The following CFTR variants were observed in gnomAD, a reference collection of about 807,000 sequenced individuals.
CFTR encodes the protein CF transmembrane conductance regulator, also known as cystic fibrosis transmembrane conductance regulator.
CFTR carries 181 observed loss-of-function variants against 171.6 expected under a neutral mutation model. That is an observed-to-expected ratio of 1.05 (90% CI 0.93 to 1.19). The LOEUF is 1.19. Among genes scored for constraint, CFTR ranks in the 50% most tolerant of loss-of-function variants. The pLI is 0.00. For missense variants in CFTR, 1,968 were observed against 1,734.7 expected (o/e 1.13, Z -2.39); for synonymous variants, 583 against 608.0 (o/e 0.96, Z 0.60).
rs540146829 is a variant in CFTR, at chr7:117,649,094, A to G, written c.3874-3748A>G. Among the ~76,000 whole-genome samples, 3 of 152,040 alleles carry G rather than the reference A, an allele frequency of 2.0e-5. No homozygotes were observed. In the East Asian group the frequency reaches 5.8e-4, roughly 29 times the overall value. On this transcript the variant is annotated intron_variant, in intron 23 of 26. Transcript: ENST00000003084. ...TCTATTTTAGCTAAATTTAATATAT[A>G]TCAATATACTTTGATAGATATTTTA...
intron 10 of CFTR, among the ~76,000 whole-genome samples, chr7:117,554,457 G>C (rs934912329): frequency 1.3e-5 from 2 of 152,142 alleles, no homozygotes; most frequent in Non-Finnish European, 2.9e-5. Flanking sequence ...TTTGGATGGA[G>C]CTTGGTTTGG....
intron 11 of CFTR, among the ~76,000 whole-genome samples, chr7:117,581,383 C>T (rs903280511): frequency 3.8e-4 from 58 of 152,232 alleles, no homozygotes; most frequent in Middle Eastern, 3.4e-3. Context: ...CCTTAAAAAT[C>T]TGCTTTTTTT....
At chr7:117,624,148 G>A (rs1792618642) in intron 21 of CFTR, among the ~76,000 whole-genome samples, 1 of 152,122 alleles carries the variant, frequency 6.6e-6, no homozygotes, top group Non-Finnish European at 1.5e-5. Context: ...TTTTCTATTT[G>A]AGCACGCATT....
At chr7:117,598,478 A>G (rs1414634064) in intron 15 of CFTR, among the ~76,000 whole-genome samples, 1 of 152,216 alleles carries the variant, frequency 6.6e-6, no homozygotes, top group African/African-American at 2.4e-5. Context: ...GCTTGATGAT[A>G]TTTGTAAAGT....
chr7:117,667,283 T>C lies in CFTR; in HGVS notation c.*175T>C. On this transcript the variant is annotated 3_prime_UTR_variant, in exon 27 of 27. Transcript: ENST00000003084. ...GTAAGGGGAATTGAGGACACTGATA[T>C]GGGTCTTGATAAATGGCTTCCTGGC... The C allele has an allele frequency of 1.5e-6, 1 of 650,510 alleles. No homozygotes were observed. The highest frequency in any genetic ancestry group is 2.8e-6 in the Non-Finnish European group (1 of 360,368). The allele number at this position is 650,510 out of a possible 1,614,324, so 40.3% of individuals were successfully genotyped here. A position where few individuals can be genotyped will look rare whatever the true frequency, so the allele number is the denominator to read the frequency against.
At chr7:117,536,786 G>A (rs1798966864) in intron 7 of CFTR, 113 bp downstream of exon 7, 2 of 913,608 alleles carry the variant, frequency 2.2e-6, no homozygotes, top group African/African-American at 3.3e-5. Context: ...ACAATCAAAT[G>A]ATTGCATTTA....
At chr7:117,533,524 A>G (rs893733593) in intron 4 of CFTR, among the ~76,000 whole-genome samples, 3 of 152,150 alleles carry the variant, frequency 2.0e-5, no homozygotes, top group Admixed American at 6.5e-5. Context: ...AGTGATTTGC[A>G]TTTACTAAAT....
chr7:117,490,312 T>TACACAC (rs3034759), intron 1 of CFTR, among the ~76,000 whole-genome samples: 7,953 of 136,730 alleles, frequency 0.058, 297 homozygotes, highest in African/African-American at 0.086. Context: ...GAACCAATGA[T>TACACAC]ACACACACAC....
intron 1 of CFTR, among the ~76,000 whole-genome samples, chr7:117,493,472 C>T (rs1023492012): frequency 3.3e-5 from 5 of 152,088 alleles, no homozygotes; most frequent in Non-Finnish European, 7.4e-5. Flanking sequence ...TTCTCTGCCT[C>T]TGTCTTGCTC....
At chr7:117,613,999 C>T (rs112964490) in intron 20 of CFTR, among the ~76,000 whole-genome samples, 1,609 of 71,596 alleles carry the variant, frequency 0.022, 34 homozygotes, top group African/African-American at 0.064. Flanking sequence ...GTACAGTAAT[C>T]TTTTTTTTTT....
rs397508648 is a variant in CFTR at position 117,652,921 on chromosome 7, T to C, written c.3953T>C (p.Val1318Ala). The C allele has an allele frequency of 9.4e-6, 15 of 1,598,876 alleles. No homozygotes were observed. Among genetic ancestry groups the C allele is most frequent in the Non-Finnish European group, 1.3e-5 (15 of 1,167,292 alleles). Residue 1318 changes from valine to alanine, a missense_variant, in exon 24 of 27, where the codon GTT (valine) becomes GCT (alanine). Physicochemically the swap from Val to Ala is moderately conservative, Grantham distance 64 (BLOSUM62 0). Transcript: ENST00000003084. Reference protein sequence around the residue: ...EQWSDQEIWKVADEVGLRSVI... With the variant: ...EQWSDQEIWKAADEVGLRSVI... The stretch of plus-strand genomic sequence containing the variant: ...TGGAGTGATCAAGAAATATGGAAAG[T>C]TGCAGATGAGGTAAGGCTGCTAACT...
intron 1 of CFTR, among the ~76,000 whole-genome samples, chr7:117,500,501 G>A (rs1336777101): frequency 6.6e-6 from 1 of 151,724 alleles, no homozygotes; most frequent in African/African-American, 2.4e-5. Context: ...TGTTGGTCAG[G>A]CTGGTCTCGA....
chr7:117,614,447 C>A (rs1792452310), intron 20 of CFTR, among the ~76,000 whole-genome samples, 166 bp from the exon 21 acceptor site: 1 of 152,048 alleles, frequency 6.6e-6, no homozygotes, highest in Non-Finnish European at 1.5e-5. Flanking sequence ...GAGCATTATT[C>A]TATTAGTAGA....
At chr7:117,664,096 T>C (rs1024395977) in intron 24 of CFTR, among the ~76,000 whole-genome samples, 2 of 152,202 alleles carry the variant, frequency 1.3e-5, no homozygotes, top group African/African-American at 4.8e-5. Flanking sequence ...TACAGTTAGT[T>C]TTTATGAATT....
chr7:117,507,738 C>T (rs1001524393), intron 2 of CFTR, among the ~76,000 whole-genome samples: 1 of 152,142 alleles, frequency 6.6e-6, no homozygotes, highest in Non-Finnish European at 1.5e-5. Context: ...TTAGAGATTG[C>T]CAGGCTTGTC....
chr7:117,642,422 C>T lies in CFTR; in HGVS notation c.3718-16C>T, dbSNP rs1311755783. 6.8e-6 allele frequency: 11 copies of T among 1,611,694 alleles called. No individual in the cohort carries two copies. Among genetic ancestry groups the T allele is most frequent in the Non-Finnish European group, 8.5e-6 (10 of 1,178,072 alleles). ...CTATATGTCACAGAAGTGATCCCAT[C>T]ACTTTTACCTTATAGGTGGGCCTCT... On this transcript the variant is annotated splice_polypyrimidine_tract_variant and intron_variant, in intron 22 of 26. Coordinates refer to ENST00000003084, the MANE Select transcript of CFTR (RefSeq NM_000492.4).
intron 3 of CFTR, among the ~76,000 whole-genome samples, chr7:117,521,548 A>G (rs927177234): frequency 6.6e-6 from 1 of 152,142 alleles, no homozygotes; most frequent in Non-Finnish European, 1.5e-5. Context: ...TGAGATAATC[A>G]TAGGTTCTTC....
chr7:117,538,279 A>C (rs1211980165), intron 7 of CFTR, among the ~76,000 whole-genome samples: 1 of 152,172 alleles, frequency 6.6e-6, no homozygotes, highest in African/African-American at 2.4e-5. Context: ...ACTGGTCAAA[A>C]GGCTGTGCAA....
chr7:117,569,324 T>C (rs1171237191), intron 11 of CFTR, among the ~76,000 whole-genome samples: 1 of 152,090 alleles, frequency 6.6e-6, no homozygotes. Context: ...GAGAGAACAT[T>C]TTAAATGATA....
Sources: allele counts gnomAD v4.1 joint callset (sites outside exome capture counted in the v4.1 genomes callset), GRCh38; gene constraint gnomAD v4.1.1; transcripts MANE v1.5; gene names NCBI Gene and HGNC (gene_info 2026-07-23, HGNC 2026-07-21).